The following CTNNA3 variants were observed in gnomAD, a reference collection of about 807,000 sequenced individuals.
The protein encoded by CTNNA3 is catenin alpha 3, also known as catenin alpha-3.
A neutral mutation model predicts 95.7 loss-of-function variants in CTNNA3; 76 were observed. That is an observed-to-expected ratio of 0.79 (90% CI 0.66 to 0.96). CTNNA3 has a LOEUF of 0.96. Among genes scored for constraint, CTNNA3 ranks in the 40% least tolerant of loss-of-function variants. The pLI is 0.00. For synonymous variants in CTNNA3, 431 were observed against 374.4 expected, an observed-to-expected ratio of 1.15 and a Z score of -1.74; for missense variants, 1,191 against 1,089.8, an observed-to-expected ratio of 1.09 and a Z score of -1.31.
chr10:66,525,025 G>T (rs1236466519), intron 10 of CTNNA3, among the ~76,000 whole-genome samples: 2 of 151,776 alleles, frequency 1.3e-5, no homozygotes, highest in Non-Finnish European at 2.9e-5. Flanking sequence ...CTCCAGCCTG[G>T]GCAATAAGAG....
chr10:66,435,166 G>A (rs1042163001), intron 11 of CTNNA3, among the ~76,000 whole-genome samples: 3 of 152,108 alleles, frequency 2.0e-5, no homozygotes, highest in Non-Finnish European at 4.4e-5. Flanking sequence ...CTCATAAAAT[G>A]AGTTATTTTA....
At chr10:66,537,964 A>G (rs1006800415) in intron 10 of CTNNA3, among the ~76,000 whole-genome samples, 1 of 152,160 alleles carries the variant, frequency 6.6e-6, no homozygotes, top group Non-Finnish European at 1.5e-5. Context: ...GCATATCACA[A>G]AGTTATCTTC....
chr10:65,914,260 C>A lies in CTNNA3; in HGVS notation c.*6070G>T, dbSNP rs1208593765. The A allele has an allele frequency of 6.6e-6, 1 of 152,248 alleles. No homozygotes were observed. Among genetic ancestry groups the A allele is most frequent in the Non-Finnish European group, 1.5e-5 (1 of 68,004 alleles). 9.4% of individuals were successfully genotyped at this position (152,248 alleles called of 1,614,324 possible). ...TCCTACAGTTGGGAATAGGCACCAT[C>A]ATGACTACCAGATACATAAAAGTGA... On this transcript the variant is annotated 3_prime_UTR_variant, in exon 18 of 18. Transcript: ENST00000433211.
At chr10:66,523,618 T>C (rs1446122328) in intron 10 of CTNNA3, among the ~76,000 whole-genome samples, 1 of 152,152 alleles carries the variant, frequency 6.6e-6, no homozygotes, top group Non-Finnish European at 1.5e-5. Context: ...TTCTGAGGCA[T>C]TTTGTTTCTT....
intron 7 of CTNNA3, among the ~76,000 whole-genome samples, chr10:66,811,236 A>G (rs1841862624): frequency 6.6e-6 from 1 of 152,160 alleles, no homozygotes; most frequent in Admixed American, 6.5e-5. Context: ...TCTGACAACA[A>G]GGGCACATAA....
At chr10:67,122,503 C>T (rs141013715) in intron 7 of CTNNA3, among the ~76,000 whole-genome samples, 163 of 151,990 alleles carry the variant, frequency 1.1e-3, no homozygotes, top group African/African-American at 3.8e-3. Flanking sequence ...CTGCATGGGG[C>T]GGGGGAAGAT....
chr10:67,427,192 T>G (rs565598656), intron 5 of CTNNA3, among the ~76,000 whole-genome samples: 25 of 152,078 alleles, frequency 1.6e-4, no homozygotes, highest in South Asian at 6.2e-4. Context: ...TATAAAAGGC[T>G]AAATAAAGGA....
rs117481689 is a variant in CTNNA3 at position 66,234,900 on chromosome 10, T to C, written c.1884+45570A>G. 5.3e-5 allele frequency among the ~76,000 whole-genome samples: 8 copies of C among 152,344 alleles called. No homozygotes were observed. The East Asian group carries it at 1.5e-3, about 29-fold the overall frequency. On this transcript the variant is annotated intron_variant, in intron 13 of 17. Transcript: ENST00000433211. ...CACAGGCTCTTTCTCACTTTCTCAT[T>C]TGATTCCTGCAATTGAAGCCATCTG...
At chr10:66,542,632 A>G (rs1353950105) in intron 10 of CTNNA3, among the ~76,000 whole-genome samples, 1 of 151,840 alleles carries the variant, frequency 6.6e-6, no homozygotes, top group Non-Finnish European at 1.5e-5. Context: ...GCAAACTATC[A>G]CAAGGACAAA....
chr10:66,789,292 A>G (rs1840875290), intron 7 of CTNNA3, among the ~76,000 whole-genome samples: 1 of 151,952 alleles, frequency 6.6e-6, no homozygotes, highest in African/African-American at 2.4e-5. Context: ...TTCTCCTGAC[A>G]GCCTCCCGAG....
intron 5 of CTNNA3, among the ~76,000 whole-genome samples, chr10:67,270,063 C>A (rs1447269007): frequency 6.6e-6 from 1 of 151,082 alleles, no homozygotes; most frequent in Non-Finnish European, 1.5e-5. Context: ...ACCTATAAAT[C>A]GCTCTGAGTA....
intron 7 of CTNNA3, among the ~76,000 whole-genome samples, chr10:67,141,541 T>G (rs1860567692): frequency 6.6e-6 from 1 of 151,996 alleles, no homozygotes; most frequent in Non-Finnish European, 1.5e-5. Flanking sequence ...TGGAATAGAG[T>G]TCAGCCTCTG....
intron 11 of CTNNA3, among the ~76,000 whole-genome samples, chr10:66,450,129 C>T (rs2131821155): frequency 6.6e-6 from 1 of 152,120 alleles, no homozygotes; most frequent in South Asian, 2.1e-4. Flanking sequence ...CAGTTAACAT[C>T]CCCACTTACC....
intron 10 of CTNNA3, among the ~76,000 whole-genome samples, chr10:66,535,439 T>C (rs1272542405): frequency 6.6e-6 from 1 of 152,096 alleles, no homozygotes; most frequent in Non-Finnish European, 1.5e-5. Context: ...TTCCTGGGAG[T>C]TGGACTATGT....
At chr10:66,331,376 C>T (rs1300591202) in intron 12 of CTNNA3, among the ~76,000 whole-genome samples, 6 of 46,898 alleles carry the variant, frequency 1.3e-4, no homozygotes, top group East Asian at 6.2e-4. Flanking sequence ...TTTTTTGAGA[C>T]GGAGTTTTGC....
At chr10:66,688,377 A>G (rs1041669431) in intron 9 of CTNNA3, among the ~76,000 whole-genome samples, 7 of 152,042 alleles carry the variant, frequency 4.6e-5, no homozygotes, top group African/African-American at 1.7e-4. Flanking sequence ...GCAGACCTCA[A>G]AGTCGCCATG....
intron 7 of CTNNA3, among the ~76,000 whole-genome samples, chr10:66,922,951 T>C (rs1461703103): frequency 6.6e-6 from 1 of 152,152 alleles, no homozygotes; most frequent in African/African-American, 2.4e-5. Context: ...ACGCTTTGTA[T>C]AAAAAACAAT....
intron 7 of CTNNA3, among the ~76,000 whole-genome samples, chr10:66,985,932 T>C (rs1850705952): frequency 6.6e-6 from 1 of 152,088 alleles, no homozygotes; most frequent in Non-Finnish European, 1.5e-5. Context: ...TTCACCATGT[T>C]GGCCAGGATG....
chr10:66,051,388 C>A (rs765639573), intron 15 of CTNNA3, among the ~76,000 whole-genome samples: 28 of 152,172 alleles, frequency 1.8e-4, no homozygotes, highest in Non-Finnish European at 3.8e-4. Context: ...TATTCAGTTT[C>A]CTGGACTTCG....
Sources: gnomAD v4.1 joint callset for allele counts (sites outside exome capture counted in the v4.1 genomes callset) on GRCh38, gnomAD v4.1.1 for gene constraint, MANE v1.5 for transcripts, NCBI Gene and HGNC (gene_info 2026-07-23, HGNC 2026-07-21) for gene names.